Variants in EEIG2 observed in about 807,000 individuals in gnomAD.
The protein encoded by EEIG2 is family with sequence similarity 102 member B.
chr1:108,584,793 G>A, the EEIG2 span, among the ~76,000 whole-genome samples: 7 of 152,082 alleles, frequency 4.6e-5, no homozygotes, highest in Non-Finnish European at 7.4e-5. Flanking sequence ...GTTAACAAAT[G>A]ACTTACAGGA....
chr1:108,584,460 C>T, the EEIG2 span, among the ~76,000 whole-genome samples: 2 of 152,120 alleles, frequency 1.3e-5, no homozygotes, highest in African/African-American at 2.4e-5. Flanking sequence ...TTTTATCTTA[C>T]TGAAATGAGG....
chr1:108,606,135 A>G, the EEIG2 span: 1 of 813,698 alleles, frequency 1.2e-6, no homozygotes, highest in African/African-American at 1.7e-5. Context: ...GCCAGCATAT[A>G]TATGTCTGCT....
chr1:108,562,092 G>A, the EEIG2 span, among the ~76,000 whole-genome samples: 2 of 152,278 alleles, frequency 1.3e-5, no homozygotes, highest in African/African-American at 4.8e-5. Flanking sequence ...AATTCTCATA[G>A]CAAGTCTATA....
chr1:108,576,849 A>C, the EEIG2 span, among the ~76,000 whole-genome samples: 3 of 152,268 alleles, frequency 2.0e-5, no homozygotes, highest in African/African-American at 4.8e-5. Context: ...ATTTCTAGTT[A>C]TAGATCCCTG....
the EEIG2 span, among the ~76,000 whole-genome samples, chr1:108,598,867 C>G: frequency 1.3e-5 from 2 of 152,076 alleles, no homozygotes. Context: ...GTGGCTTACA[C>G]CTGTAATCCT....
At chr1:108,560,781 T>A in the EEIG2 span, among the ~76,000 whole-genome samples, 1 of 152,134 alleles carries the variant, frequency 6.6e-6, no homozygotes, top group Admixed American at 6.5e-5. Context: ...TATCTGCTCT[T>A]CCCTCCCAAA....
the EEIG2 span, among the ~76,000 whole-genome samples, chr1:108,586,036 C>T: frequency 3.9e-4 from 59 of 152,046 alleles, no homozygotes; most frequent in East Asian, 7.4e-3. Context: ...AAAATACCAA[C>T]GGAGGAATAC....
the EEIG2 span, among the ~76,000 whole-genome samples, chr1:108,565,321 G>T: frequency 1.3e-5 from 2 of 152,090 alleles, no homozygotes; most frequent in East Asian, 3.8e-4. Context: ...AGCCTACTAC[G>T]TGCTTAGACT....
chr1:108,578,780 A>G, the EEIG2 span, among the ~76,000 whole-genome samples: 3 of 149,654 alleles, frequency 2.0e-5, no homozygotes, highest in Non-Finnish European at 4.5e-5. Flanking sequence ...GTGGGGGCCA[A>G]TATTCAACAT....
chr1:108,606,648 G>T, the EEIG2 span, among the ~76,000 whole-genome samples: 8 of 152,252 alleles, frequency 5.3e-5, no homozygotes, highest in African/African-American at 1.9e-4. Flanking sequence ...TACTAGCTAT[G>T]TGGAATTACT....
chr1:108,585,411 G>A, the EEIG2 span, among the ~76,000 whole-genome samples: 1 of 152,070 alleles, frequency 6.6e-6, no homozygotes, highest in Non-Finnish European at 1.5e-5. Flanking sequence ...TCCCTCTGGG[G>A]TTTCCTTCTA....
At chr1:108,591,895 G>A in the EEIG2 span, among the ~76,000 whole-genome samples, 4 of 152,242 alleles carry the variant, frequency 2.6e-5, no homozygotes, top group East Asian at 5.8e-4. Context: ...ATGAGAAATA[G>A]TGTGAAGTAA....
At chr1:108,633,285 A>AT in the EEIG2 span, among the ~76,000 whole-genome samples, 30 of 150,994 alleles carry the variant, frequency 2.0e-4, no homozygotes, top group Non-Finnish European at 3.5e-4. Flanking sequence ...CTTATGTAAC[A>AT]TTTTTTGGTT....
At chr1:108,617,753 A>T in the EEIG2 span, among the ~76,000 whole-genome samples, 3 of 152,200 alleles carry the variant, frequency 2.0e-5, no homozygotes, top group Admixed American at 2.0e-4. Context: ...CACCAGTGTG[A>T]TCAGAGGAGG....
chr1:108,601,862 G>A, the EEIG2 span, among the ~76,000 whole-genome samples: 1 of 152,144 alleles, frequency 6.6e-6, no homozygotes, highest in Non-Finnish European at 1.5e-5. Flanking sequence ...TAGGACACAG[G>A]GAAGCAATCA....
chr1:108,628,330 G>A, the EEIG2 span: 1 of 1,611,018 alleles, frequency 6.2e-7, no homozygotes, highest in African/African-American at 1.3e-5. Flanking sequence ...GTGGTGTGGG[G>A]GAACGATGTC....
At chr1:108,598,931 T>G in the EEIG2 span, among the ~76,000 whole-genome samples, 1 of 152,060 alleles carries the variant, frequency 6.6e-6, no homozygotes, top group African/African-American at 2.4e-5. Context: ...TTTGGGAGAC[T>G]GAGACAGGAG....
chr1:108,616,310 A>G, the EEIG2 span: 1 of 935,176 alleles, frequency 1.1e-6, no homozygotes, highest in Non-Finnish European at 1.7e-6. Flanking sequence ...AATAGAAAAT[A>G]TCGGACTAAG....
chr1:108,569,612 T>G, the EEIG2 span, among the ~76,000 whole-genome samples: 2 of 152,202 alleles, frequency 1.3e-5, no homozygotes, highest in Non-Finnish European at 2.9e-5. Context: ...TGTGAGTCAC[T>G]GTACCTAGCC....
Sources: allele counts gnomAD v4.1 joint callset (sites outside exome capture counted in the v4.1 genomes callset), GRCh38; gene constraint gnomAD v4.1.1; transcripts MANE v1.5; gene names NCBI Gene and HGNC (gene_info 2026-07-23, HGNC 2026-07-21).